The following PALS1 variants were observed in gnomAD, a reference collection of about 807,000 sequenced individuals.
The protein encoded by PALS1 is protein associated with LIN7 1, MAGUK p55 family member.
PALS1 carries 31 observed loss-of-function variants against 78.9 expected under a neutral mutation model. The ratio of observed to expected loss-of-function variants is 0.39; its 90% CI spans 0.30 to 0.53. PALS1 has a LOEUF of 0.53. Among genes scored for constraint, PALS1 ranks in the 20% least tolerant of loss-of-function variants. The pLI, the probability that PALS1 is intolerant of heterozygous loss-of-function variation, is 0.67. For missense variants in PALS1, 704 were observed against 826.5 expected, an observed-to-expected ratio of 0.85 and a Z score of 1.82; for synonymous variants, 276 against 270.9, an observed-to-expected ratio of 1.02 and a Z score of -0.18.
Position 67,323,232 on chromosome 14 carries a change from C to CGTGTGTGTGT in PALS1, c.1741-449_1741-440dup, listed in dbSNP as rs35018637. ...ATATACATATATACACATATATACA[C>CGTGTGTGTGT]GTGTGTGTGTGTGTGTGTGTGTGTG... On this transcript the variant is annotated intron_variant, in intron 13 of 14. Transcript: ENST00000261681. 2.1e-3 allele frequency among the ~76,000 whole-genome samples: 298 copies of CGTGTGTGTGT among 143,592 alleles called. 1 individual carries two copies. Among genetic ancestry groups the CGTGTGTGTGT allele is most frequent in the African/African-American group, 6.1e-3 (235 of 38,428 alleles). 94.2% of individuals were successfully genotyped at this position (143,592 alleles called of 152,430 possible).
At chr14:67,285,854 A>G (rs186405648) in intron 3 of PALS1, among the ~76,000 whole-genome samples, 15 of 152,226 alleles carry the variant, frequency 9.9e-5, no homozygotes, top group Admixed American at 3.9e-4. Context: ...GGGAGGACAG[A>G]GTTTACGAGG....
At chr14:67,244,315 C>T (rs1267580651) in intron 1 of PALS1, among the ~76,000 whole-genome samples, 1 of 152,216 alleles carries the variant, frequency 6.6e-6, no homozygotes, top group African/African-American at 2.4e-5. Context: ...TTCAACATTA[C>T]TAGCTACAGC....
intron 3 of PALS1, among the ~76,000 whole-genome samples, chr14:67,280,700 G>A (rs1284652296): frequency 1.3e-5 from 2 of 152,144 alleles, no homozygotes; most frequent in African/African-American, 4.8e-5. Flanking sequence ...TGGCTACCCA[G>A]AATAGAGCAC....
intron 1 of PALS1, among the ~76,000 whole-genome samples, chr14:67,254,026 C>CG (rs1459051290): frequency 3.9e-5 from 3 of 77,498 alleles, no homozygotes; most frequent in South Asian, 5.8e-4. Context: ...TTATATTCAT[C>CG]CCCCCCCCCT....
Position 67,323,802 on chromosome 14 carries a change from A to G in PALS1, c.1841A>G (p.Lys614Arg). Residue 614 changes from lysine (K) to arginine (R), a missense_variant, in exon 14 of 15, where the codon AAG becomes AGG. By Grantham distance (26) the Lys-to-Arg change is conservative. Coordinates refer to ENST00000261681, the MANE Select transcript of PALS1 (RefSeq NM_022474.4). ...CGGGCATTATTGGCCAAAGAAGGCA[A>G]GAATCCAAAGGTAAAGTTTTCACAC... is the stretch of plus-strand genomic sequence containing the variant. ...RLRALLAKEGKNPKPEELREI... is the reference protein window; with the variant it reads ...RLRALLAKEGRNPKPEELREI... The G allele has an allele frequency of 6.4e-7, 1 of 1,557,780 alleles. No individual in the cohort carries two copies. Among genetic ancestry groups the G allele is most frequent in the Non-Finnish European group, 8.8e-7 (1 of 1,140,292 alleles).
chr14:67,303,869 A>G (rs1400865479), intron 8 of PALS1, among the ~76,000 whole-genome samples: 1 of 151,980 alleles, frequency 6.6e-6, no homozygotes, highest in Non-Finnish European at 1.5e-5. Context: ...CCAGGTTCAA[A>G]TGATTCTCCC....
intron 3 of PALS1, among the ~76,000 whole-genome samples, chr14:67,286,591 C>T (rs1462143406): frequency 1.3e-5 from 2 of 152,040 alleles, no homozygotes; most frequent in African/African-American, 4.8e-5. Flanking sequence ...CGTGGTGGCT[C>T]ATGCCTATAA....
At chr14:67,328,317 T>C (rs570876087) in intron 14 of PALS1, among the ~76,000 whole-genome samples, 7 of 152,366 alleles carry the variant, frequency 4.6e-5, no homozygotes, top group Non-Finnish European at 1.0e-4. Flanking sequence ...TTGCCCACTT[T>C]TTGATGGGAT....
At chr14:67,284,858 C>G (rs1186050482) in intron 3 of PALS1, among the ~76,000 whole-genome samples, 3 of 152,086 alleles carry the variant, frequency 2.0e-5, no homozygotes, top group African/African-American at 7.2e-5. Flanking sequence ...TAATATTCCA[C>G]TGTACAAATA....
chr14:67,276,042 A>G (rs61990938), intron 2 of PALS1, among the ~76,000 whole-genome samples: 2 of 151,900 alleles, frequency 1.3e-5, no homozygotes, highest in Non-Finnish European at 2.9e-5. Context: ...TAGTCTATCA[A>G]TTTTGTTGAT....
chr14:67,308,471 A>G (rs1361160347), intron 8 of PALS1, among the ~76,000 whole-genome samples: 1 of 151,996 alleles, frequency 6.6e-6, no homozygotes, highest in Non-Finnish European at 1.5e-5. Flanking sequence ...ACTTTTCCAA[A>G]GGAGTGTCCA....
chr14:67,294,145 G>T (rs946279013), intron 4 of PALS1, among the ~76,000 whole-genome samples: 2 of 152,116 alleles, frequency 1.3e-5, no homozygotes, highest in African/African-American at 4.8e-5. Flanking sequence ...GTGAATATAG[G>T]ATAGTTCACT....
Position 67,323,786 on chromosome 14 carries a change from T to C in PALS1, c.1825T>C (p.Leu609=). The C allele has an allele frequency of 6.3e-7, 1 of 1,590,350 alleles. No homozygotes were observed. Among genetic ancestry groups the C allele is most frequent in the Non-Finnish European group, 8.6e-7 (1 of 1,168,220 alleles). Residue 609 remains leucine, a synonymous_variant, in exon 14 of 15, where the codon TTG becomes CTG. Transcript: ENST00000261681. The stretch of plus-strand genomic sequence containing the variant: ...TTCACAAGAAAGACTTCGGGCATTA[T>C]TGGCCAAAGAAGGCAAGAATCCAAA... ...PPSQERLRAL[L]AKEGKNPKPE... is the part of the protein sequence containing the mutation.
chr14:67,298,447 G>A (rs932823801), intron 4 of PALS1, among the ~76,000 whole-genome samples: 9 of 150,880 alleles, frequency 6.0e-5, no homozygotes, highest in Admixed American at 2.6e-4. Flanking sequence ...CCCGGGAGGC[G>A]AAGGTTGCAG....
intron 1 of PALS1, among the ~76,000 whole-genome samples, chr14:67,257,063 G>C (rs954521279): frequency 1.3e-5 from 2 of 152,142 alleles, no homozygotes; most frequent in African/African-American, 4.8e-5. Context: ...TATGTACGTT[G>C]GTTTGATCCG....
intron 4 of PALS1, among the ~76,000 whole-genome samples, chr14:67,300,614 C>T (rs144474597): frequency 7.5e-4 from 114 of 152,194 alleles, no homozygotes; most frequent in Non-Finnish European, 1.3e-3. Context: ...TGGTGTGAGC[C>T]ATTGTATCTG....
intron 3 of PALS1, among the ~76,000 whole-genome samples, chr14:67,290,998 A>G (rs150193344): frequency 2.0e-3 from 310 of 152,352 alleles, no homozygotes; most frequent in African/African-American, 7.0e-3. Flanking sequence ...ATCTAGGTAA[A>G]TATTTTTTAA....
At chr14:67,324,991 G>A (rs139289835) in intron 14 of PALS1, among the ~76,000 whole-genome samples, 2,819 of 134,864 alleles carry the variant, frequency 0.021, 41 homozygotes, top group Non-Finnish European at 0.033. Context: ...TGCAAGCTCC[G>A]CCTCCCAGGT....
At chr14:67,284,027 G>GT (rs923915552) in intron 3 of PALS1, among the ~76,000 whole-genome samples, 50 of 152,196 alleles carry the variant, frequency 3.3e-4, no homozygotes, top group African/African-American at 1.2e-3. Context: ...CTTTGGGCAT[G>GT]TTACTCAATT....
Sources: gnomAD v4.1 joint callset for allele counts (sites outside exome capture counted in the v4.1 genomes callset) on GRCh38, gnomAD v4.1.1 for gene constraint, MANE v1.5 for transcripts, NCBI Gene and HGNC (gene_info 2026-07-23, HGNC 2026-07-21) for gene names.